CDC25B: variants seen among roughly 807,000 people sequenced by gnomAD.
CDC25B encodes M-phase inducer phosphatase 2.
Under a neutral mutation model 69.8 loss-of-function variants are expected in CDC25B, and 33 were observed. The ratio of observed to expected loss-of-function variants is 0.47; its 90% CI spans 0.36 to 0.63. The LOEUF is 0.63. Among genes scored for constraint, CDC25B ranks in the 30% least tolerant of loss-of-function variants. CDC25B has a pLI of 0.00. For synonymous variants in CDC25B, 341 were observed against 314.6 expected (o/e 1.08, Z -0.89); for missense variants, 727 against 809.1 (o/e 0.90, Z 1.23).
Position 3,802,891 on chromosome 20 carries a change from T to C in CDC25B, c.1195-19T>C. On this transcript the variant is annotated intron_variant, in intron 11 of 15. Transcript: ENST00000245960. The stretch of plus-strand genomic sequence containing the variant: ...ATTTAACTTTCTCCCCTCTCCCTCA[T>C]CCCTTCCGTTCCCTTCAGGCCTTCC... 2 of 1,605,726 alleles carry C rather than the reference T, an allele frequency of 1.2e-6. No individual in the cohort carries two copies. Among genetic ancestry groups the C allele is most frequent in the Admixed American group, 3.3e-5 (2 of 59,988 alleles).
chr20:3,798,447 C>T lies in CDC25B; in HGVS notation c.364C>T (p.His122Tyr). The T allele has an allele frequency of 1.3e-6, 2 of 1,599,444 alleles. No individual in the cohort carries two copies. Among genetic ancestry groups the T allele is most frequent in the Non-Finnish European group, 1.7e-6 (2 of 1,172,674 alleles). ...CMDSPSPMDP[H>Y]MAEQTFEQAI... ...GGATTCCCCCAGCCCTATGGACCCC[C>T]ACATGGCGGAGCAGACGTGAGTAGA... Residue 122 changes from histidine (H) to tyrosine (Y), a missense_variant, in exon 3 of 16, where the codon CAC becomes TAC. Around this residue, in one of 2 missense-constraint regions of CDC25B, gnomAD observed 368 missense variants for 345.6 expected, o/e 1.06. Transcript: ENST00000245960.
chr20:3,801,969 TC>T lies in CDC25B; in HGVS notation c.969del (p.Met324CysfsTer5). Reference sequence around the variant, plus strand: ...GTGCCAGCGGCTCTTCCGCTCTCCGTCCATGCCCTGCAGCGTGATCCGGCCC... The same window carrying T: ...GTGCCAGCGGCTCTTCCGCTCTCCGTCATGCCCTGCAGCGTGATCCGGCCC... ...SKCQRLFRSP[S>X]MPCSVIRPIL... is the part of the protein sequence containing the mutation. On this transcript the variant is annotated frameshift_variant, in exon 10 of 16. Transcript: ENST00000245960. LOFTEE classifies it high-confidence loss of function. The T allele has an allele frequency of 6.2e-7, 1 of 1,612,058 alleles. No homozygotes were observed. Among genetic ancestry groups the T allele is most frequent in the Non-Finnish European group, 8.5e-7 (1 of 1,179,166 alleles).
At chr20:3,792,063 G>T (rs2088923846), upstream of CDC25B, among the ~76,000 whole-genome samples, 1 of 151,942 alleles carries the variant, frequency 6.6e-6, no homozygotes. Context: ...ACAGGCACAT[G>T]CCACCATGCC....
chr20:3,795,710 C>T (rs1294607433), upstream of CDC25B: 3 of 985,530 alleles, frequency 3.0e-6, no homozygotes, highest in Non-Finnish European at 3.6e-6. Flanking sequence ...CCACCTCCTA[C>T]GCTGGGCGCT....
intron 1 of CDC25B, among the ~76,000 whole-genome samples, chr20:3,788,775 TTC>T (rs1216466658): frequency 3.3e-5 from 5 of 149,988 alleles, no homozygotes; most frequent in Non-Finnish European, 7.4e-5. Flanking sequence ...CCTTCTTTCT[TTC>T]TCTTTCTCTC....
Position 3,804,911 on chromosome 20 carries a change from G to A in CDC25B, c.1693G>A (p.Ala565Thr). 1 of 1,613,964 alleles carries A rather than the reference G, an allele frequency of 6.2e-7. No individual in the cohort carries two copies. Among genetic ancestry groups the A allele is most frequent in the South Asian group, 1.1e-5 (1 of 91,086 alleles). The change falls in exon 16 of 16, where the codon GCT (alanine) becomes ACT (threonine). Residue 565 changes from alanine (A) to threonine (T), a missense_variant. Physicochemically the swap from Ala to Thr is moderately conservative, Grantham distance 58. This residue lies in a region of CDC25B where 359 missense variants were observed against 463.4 expected (regional missense o/e 0.77). Transcript: ENST00000245960. ...KTFRLKTRSW[A>T]GERSRRELCS... ...CTTCCGCCTCAAGACTCGCAGCTGGGCTGGGGAGCGGAGCCGGCGGGAGCT... is the reference window on the plus strand; with the variant it reads ...CTTCCGCCTCAAGACTCGCAGCTGGACTGGGGAGCGGAGCCGGCGGGAGCT...
In CDC25B at chr20:3,802,020, C is replaced by T. The variant is rs1360786034; in HGVS notation, c.1018C>T (p.Gln340Ter). 6.3e-7 allele frequency: 1 copy of T among 1,593,052 alleles called. No individual in the cohort carries two copies. Among genetic ancestry groups the T allele is most frequent in the Admixed American group, 1.8e-5 (1 of 56,834 alleles). Residue 340 changes from glutamine (Q) to a stop codon, truncating the protein, a stop_gained, in exon 10 of 16, where the codon CAG becomes TAG. Transcript: ENST00000245960. LOFTEE classifies it high-confidence loss of function. ...RPILKRLERP[Q>*]DRDTPVQNKR... is the part of the protein sequence containing the mutation. ...CATCCTCAAGAGGCTGGAGCGGCCC[C>T]AGGACAGGGACACGCCCGTGCAGAA...
Position 3,796,415 on chromosome 20 carries a change from C to G in CDC25B, c.-117C>G. ...GCCCTGTGGCTCTTCCTCCCTCCCT[C>G]CTTCCCCCCCCCCCCACCCCTCGCC... On this transcript the variant is annotated 5_prime_UTR_variant, in exon 1 of 16. Coordinates refer to ENST00000245960, the MANE Select transcript of CDC25B (RefSeq NM_021873.4). 5 of 311,844 alleles carry G rather than the reference C, an allele frequency of 1.6e-5. No individual in the cohort carries two copies. Among genetic ancestry groups the G allele is most frequent in the Non-Finnish European group, 2.0e-5 (5 of 247,560 alleles). 19.3% of individuals were successfully genotyped at this position (311,844 alleles called of 1,614,324 possible).
upstream of CDC25B, chr20:3,795,794 C>T (rs2089014338): frequency 3.0e-6 from 3 of 985,430 alleles, no homozygotes; most frequent in Non-Finnish European, 3.6e-6. Context: ...CGGTCAGAGG[C>T]GCCTGGAGCG....
rs201902192 is a variant in CDC25B at position 3,801,791 on chromosome 20, G to A, written c.910G>A (p.Glu304Lys). 18 of 1,605,400 alleles carry A rather than the reference G, an allele frequency of 1.1e-5. No individual in the cohort carries two copies. In the East Asian group the frequency reaches 3.8e-4, roughly 34 times the overall value. ...CCCACTGGTCAAGACCTTGGAAAAG[G>A]AAGAGGAAAAGGTGGGCCTCTGGGG... is the stretch of plus-strand genomic sequence containing the variant. ...SAPLVKTLEK[E>K]EEKDLVMYSK... is the part of the protein sequence containing the mutation. Residue 304 changes from glutamate to lysine, a missense_variant, in exon 9 of 16, where the codon GAA becomes AAA. Transcript: ENST00000245960.
chr20:3,801,499 G>T, intron 8 of CDC25B, 111 bp downstream of exon 8: 1 of 1,351,260 alleles, frequency 7.4e-7, no homozygotes. Flanking sequence ...AGTGTCAGAA[G>T]AAGAATCTGA....
Position 3,800,162 on chromosome 20 carries a change from C to T in CDC25B, c.381-126C>T, listed in dbSNP as rs1436864458. On this transcript the variant is annotated intron_variant, in intron 3 of 15. Transcript: ENST00000245960. Reference sequence around the variant, plus strand: ...GGTGGGCGTTCTTCCCACCCCACCCCTTCCACTGCCTTGAGCCTTGGCCCT... The same window carrying T: ...GGTGGGCGTTCTTCCCACCCCACCCTTTCCACTGCCTTGAGCCTTGGCCCT... 4 of 774,886 alleles carry T rather than the reference C, an allele frequency of 5.2e-6. No individual in the cohort carries two copies. The East Asian group carries it at 1.0e-4, about 20-fold the overall frequency. The allele number at this position is 774,886 out of a possible 1,614,324, so 48.0% of individuals were successfully genotyped here.
intron 1 of CDC25B, 54 bp downstream of exon 1, chr20:3,796,785 C>T: frequency 6.6e-7 from 1 of 1,508,112 alleles, no homozygotes; most frequent in Non-Finnish European, 8.8e-7. Flanking sequence ...GTCTGGAGTC[C>T]TGGGCCTCCT....
upstream of CDC25B, among the ~76,000 whole-genome samples, chr20:3,795,093 G>GGCTC (rs1197787034): frequency 6.6e-6 from 1 of 152,182 alleles, no homozygotes; most frequent in East Asian, 1.9e-4. Flanking sequence ...CGGGCACAGT[G>GGCTC]GCTCGTGCGT....
Position 3,805,569 on chromosome 20 carries a change from T to C in CDC25B, c.*608T>C, listed in dbSNP as rs901841432. Reference sequence around the variant, plus strand: ...ACCTGTGTGCTTGGTCTGTTTGACTTTACGCCCATCTCAGGACACTTCCGT... The same window carrying C: ...ACCTGTGTGCTTGGTCTGTTTGACTCTACGCCCATCTCAGGACACTTCCGT... On this transcript the variant is annotated 3_prime_UTR_variant, in exon 16 of 16. Transcript: ENST00000245960. 3 of 394,250 alleles carry C rather than the reference T, an allele frequency of 7.6e-6. No homozygotes were observed. In the East Asian group the frequency reaches 1.1e-4, roughly 14 times the overall value. The allele number at this position is 394,250 out of a possible 1,614,324, so 24.4% of individuals were successfully genotyped here.
rs904266009 is a variant in CDC25B, at chr20:3,800,683, G to T, written c.460-60G>T. ...GAGAGGTGGAGAAGGTAGGGCCTGGGCTCGTGCCGGAGGAATGCAGCCTTC... is the reference window on the plus strand; with the variant it reads ...GAGAGGTGGAGAAGGTAGGGCCTGGTCTCGTGCCGGAGGAATGCAGCCTTC... On this transcript the variant is annotated intron_variant, in intron 5 of 15. Coordinates refer to ENST00000245960, the MANE Select transcript of CDC25B (RefSeq NM_021873.4). The T allele has an allele frequency of 7.5e-6, 12 of 1,600,040 alleles. No homozygotes were observed. In the African/African-American group the frequency reaches 1.5e-4, roughly 20 times the overall value.
intron 5 of CDC25B, 50 bp from the exon 6 acceptor site, chr20:3,800,693 G>T (rs1478965561): frequency 1.2e-6 from 2 of 1,601,342 alleles, no homozygotes; most frequent in Non-Finnish European, 1.7e-6. Context: ...GCTCGTGCCG[G>T]AGGAATGCAG....
chr20:3,793,593 ATTT>A (rs869280544), upstream of CDC25B, among the ~76,000 whole-genome samples: 2,753 of 57,454 alleles, frequency 0.048, 90 homozygotes, highest in African/African-American at 0.18. Flanking sequence ...ATTTTATTTT[ATTT>A]TTTTATTTTA....
rs192665509 is a variant in CDC25B at position 3,803,831 on chromosome 20, G to A, written c.1490+294G>A. Among the ~76,000 whole-genome samples the A allele has an allele frequency of 2.6e-5, 4 of 152,288 alleles. No individual in the cohort carries two copies. In the East Asian group the frequency reaches 5.8e-4, roughly 22 times the overall value. On this transcript the variant is annotated intron_variant, in intron 14 of 15. Coordinates refer to ENST00000245960, the MANE Select transcript of CDC25B (RefSeq NM_021873.4). The surrounding 1 kb of genome is among the most constrained non-coding windows in gnomAD (Gnocchi z 4.9). ...TCTTTTCTCGAAATCTAAGGGCCGC[G>A]TGTCAGTCCCCAGTACACGGACCCT...
Sources: gnomAD v4.1 joint callset for allele counts (sites outside exome capture counted in the v4.1 genomes callset) on GRCh38, gnomAD v4.1.1 for gene constraint, gnomAD v4.1.1 regional missense constraint, Gnocchi (gnomAD v3.1) non-coding constraint, MANE v1.5 for transcripts, NCBI Gene and HGNC (gene_info 2026-07-23, HGNC 2026-07-21) for gene names.